The following SEC63 variants were observed in gnomAD, a reference collection of about 807,000 sequenced individuals.
SEC63 encodes the protein translocation protein SEC63 homolog.
SEC63 carries 56 observed loss-of-function variants against 116.2 expected under a neutral mutation model. The observed-to-expected ratio is 0.48, with a 90% CI of 0.39 to 0.60. SEC63 has a LOEUF of 0.60. Ranked by LOEUF, SEC63 falls within the 20% of genes least tolerant of loss-of-function variation. The pLI is 0.00. For synonymous variants in SEC63, 273 were observed against 294.6 expected (o/e 0.93, Z 0.75); for missense variants, 668 against 900.0 (o/e 0.74, Z 3.30).
At chr6:107,876,695 G>C in intron 18 of SEC63, 33 bp from the exon 19 acceptor site, 2 of 924,006 alleles carry the variant, frequency 2.2e-6, no homozygotes, top group Non-Finnish European at 3.4e-6. Flanking sequence ...AAAAAGAAGA[G>C]GGGTATAAAT....
intron 16 of SEC63, among the ~76,000 whole-genome samples, chr6:107,887,532 G>A (rs1346292594): frequency 6.7e-6 from 1 of 149,204 alleles, no homozygotes; most frequent in African/African-American, 2.5e-5. Context: ...CTCACTCATA[G>A]GTGGGAATTG....
intron 1 of SEC63, among the ~76,000 whole-genome samples, chr6:107,930,603 G>A (rs565999753): frequency 2.0e-5 from 3 of 151,072 alleles, no homozygotes; most frequent in African/African-American, 7.3e-5. Context: ...GTGAAACTCT[G>A]TCTCAAACAA....
Position 107,892,846 on chromosome 6 carries a change from C to T in SEC63, c.1674+636G>A, listed in dbSNP as rs78179425. On this transcript the variant is annotated intron_variant, in intron 16 of 20. Coordinates refer to ENST00000369002, the MANE Select transcript of SEC63 (RefSeq NM_007214.5). Reference sequence around the variant, plus strand: ...TGGTAAAACCAAGTGTTGGTGAGTACGTAGAACAAGACTCTCACACGTAGG... The same window carrying T: ...TGGTAAAACCAAGTGTTGGTGAGTATGTAGAACAAGACTCTCACACGTAGG... Among the ~76,000 whole-genome samples the T allele has an allele frequency of 9.7e-3, 1,474 of 152,144 alleles. 22 individuals are homozygous for T. The highest frequency in any genetic ancestry group is 0.033 in the African/African-American group (1,373 of 41,496).
At chr6:107,907,474 C>A (rs193033980) in intron 8 of SEC63, among the ~76,000 whole-genome samples, 66 of 152,060 alleles carry the variant, frequency 4.3e-4, no homozygotes, top group Non-Finnish European at 4.4e-4. Context: ...CCCAGCTACT[C>A]GGGAGGCTGA....
chr6:107,901,590 C>G (rs1787005669), intron 12 of SEC63, 73 bp from the exon 13 acceptor site: 1 of 1,083,738 alleles, frequency 9.2e-7, no homozygotes. Flanking sequence ...AAATTACTCA[C>G]ATGTTAACCA....
In SEC63 at chr6:107,924,691, T is replaced by C. The variant is rs1028085184; in HGVS notation, c.339+127A>G. 7.7e-6 allele frequency: 5 copies of C among 647,768 alleles called. No individual in the cohort carries two copies. The African/African-American group carries it at 9.2e-5, about 12-fold the overall frequency. 40.1% of individuals were successfully genotyped at this position (647,768 alleles called of 1,614,324 possible). On this transcript the variant is annotated intron_variant, in intron 3 of 20. Transcript: ENST00000369002. ...TATAATAACAGAGGATTAGACATCT[T>C]ATTTTAATAAACAAACTGACCAAAG...
intron 11 of SEC63, 174 bp from the exon 12 acceptor site, chr6:107,903,172 G>A (rs775506751): frequency 1.9e-5 from 13 of 675,548 alleles, no homozygotes; most frequent in Middle Eastern, 2.4e-4. Context: ...ATACAAACTC[G>A]ATCTAATGAA....
At chr6:107,929,899 G>A (rs2114488291) in intron 1 of SEC63, among the ~76,000 whole-genome samples, 1 of 152,312 alleles carries the variant, frequency 6.6e-6, no homozygotes, top group South Asian at 2.1e-4. Flanking sequence ...TATTAAGGAA[G>A]CTAAGCAGAA....
intron 10 of SEC63, among the ~76,000 whole-genome samples, chr6:107,905,775 T>C (rs2114448692): frequency 6.6e-6 from 1 of 152,366 alleles, no homozygotes; most frequent in East Asian, 1.9e-4. Context: ...AACTTTTGTA[T>C]GATCTGCAAT....
Position 107,912,784 on chromosome 6 carries a change from A to T in SEC63, c.515-10T>A. On this transcript the variant is annotated splice_polypyrimidine_tract_variant and intron_variant, in intron 5 of 20. Coordinates refer to ENST00000369002, the MANE Select transcript of SEC63 (RefSeq NM_007214.5). ...ATTCCAAAGCTTGTGGCTGAAATAG[A>T]AAAAATATCAGTTTCTGAAGAATCT... 5 of 1,603,344 alleles carry T rather than the reference A, an allele frequency of 3.1e-6. No individual in the cohort carries two copies. The highest frequency in any genetic ancestry group is 4.3e-6 in the Non-Finnish European group (5 of 1,170,744).
chr6:107,900,882 A>AT (rs1786985987), intron 13 of SEC63, among the ~76,000 whole-genome samples: 2 of 152,106 alleles, frequency 1.3e-5, no homozygotes, highest in African/African-American at 4.8e-5. Context: ...AATAGCCTTT[A>AT]TTTTTTTCCC....
chr6:107,913,280 G>T, intron 5 of SEC63, 86 bp downstream of exon 5: 1 of 924,990 alleles, frequency 1.1e-6, no homozygotes, highest in Non-Finnish European at 1.8e-6. Context: ...AGTTTAGTAA[G>T]AAAATAATAT....
At chr6:107,899,022 A>G (rs1289565515) in intron 13 of SEC63, among the ~76,000 whole-genome samples, 1 of 152,212 alleles carries the variant, frequency 6.6e-6, no homozygotes. Flanking sequence ...TCTGGGCCAC[A>G]TATTCATCTA....
At chr6:107,911,445 A>G (rs758348616) in intron 6 of SEC63, 49 bp from the exon 7 acceptor site, 9 of 1,255,930 alleles carry the variant, frequency 7.2e-6, no homozygotes, top group Non-Finnish European at 1.1e-5. Flanking sequence ...GTAAATTAAA[A>G]CAACATCCAT....
At chr6:107,937,865 T>A (rs566433801) in intron 1 of SEC63, among the ~76,000 whole-genome samples, 1 of 152,232 alleles carries the variant, frequency 6.6e-6, no homozygotes, top group African/African-American at 2.4e-5. Context: ...TCATGACTTT[T>A]GCCCACTTAA....
At chr6:107,919,465 A>G (rs748034969) in intron 4 of SEC63, among the ~76,000 whole-genome samples, 4 of 152,220 alleles carry the variant, frequency 2.6e-5, no homozygotes, top group Non-Finnish European at 5.9e-5. Flanking sequence ...TAAAGGATTT[A>G]AAATATTACG....
At chr6:107,953,631 C>T (rs1409597085) in intron 1 of SEC63, among the ~76,000 whole-genome samples, 2 of 147,268 alleles carry the variant, frequency 1.4e-5, no homozygotes, top group Non-Finnish European at 3.0e-5. Flanking sequence ...CGCCTCTGCC[C>T]GGCCGCCCCT....
At chr6:107,954,938 T>G (rs1271173097) in intron 1 of SEC63, among the ~76,000 whole-genome samples, 2 of 152,198 alleles carry the variant, frequency 1.3e-5, no homozygotes, top group Non-Finnish European at 2.9e-5. Flanking sequence ...CATAACACAA[T>G]TTTGAGCAAG....
At chr6:107,915,932 AC>A (rs1482570746) in intron 4 of SEC63, among the ~76,000 whole-genome samples, 5 of 152,196 alleles carry the variant, frequency 3.3e-5, no homozygotes, top group Non-Finnish European at 7.4e-5. Context: ...CAGAACGTCA[AC>A]TATTTAAGAC....
Sources: gnomAD v4.1 joint callset for allele counts (sites outside exome capture counted in the v4.1 genomes callset) on GRCh38, gnomAD v4.1.1 for gene constraint, MANE v1.5 for transcripts, NCBI Gene and HGNC (gene_info 2026-07-23, HGNC 2026-07-21) for gene names.